Variants in PGBD2 observed in about 807,000 individuals in gnomAD.
PGBD2 encodes the protein piggyBac transposable element-derived protein 2.
PGBD2 carries 6 observed loss-of-function variants against 8.1 expected under a neutral mutation model. The ratio of observed to expected loss-of-function variants is 0.74; its 90% confidence interval spans 0.40 to 1.46. PGBD2 has a LOEUF of 1.46. Among genes scored for constraint, PGBD2 ranks in the 40% most tolerant of loss-of-function variants. The pLI is 0.02. For synonymous variants in PGBD2, 318 were observed against 272.2 expected, an observed-to-expected ratio of 1.17 and a Z score of -1.66; for missense variants, 802 against 739.0, an observed-to-expected ratio of 1.09 and a Z score of -0.99.
At chr1:248,899,145 A>G in the PGBD2 span, among the ~76,000 whole-genome samples, 1 of 152,228 alleles carries the variant, frequency 6.6e-6, no homozygotes, top group Non-Finnish European at 1.5e-5. Context: ...ACTCCCCTAC[A>G]ATAACAGTGG....
chr1:248,904,002 T>G (rs1661577794), upstream of PGBD2, among the ~76,000 whole-genome samples: 1 of 152,170 alleles, frequency 6.6e-6, no homozygotes, highest in Admixed American at 6.5e-5. Context: ...CATGTACAGG[T>G]GAAATAAACT....
chr1:248,891,312 A>G, the PGBD2 span, among the ~76,000 whole-genome samples: 3 of 152,300 alleles, frequency 2.0e-5, no homozygotes, highest in African/African-American at 7.2e-5. Context: ...ATTTGAGGCC[A>G]GACAACAGAG....
the PGBD2 span, among the ~76,000 whole-genome samples, chr1:248,895,362 A>C: frequency 8.5e-5 from 13 of 152,242 alleles, no homozygotes; most frequent in African/African-American, 2.9e-4. Context: ...CCTGGCACAC[A>C]AAGAGGAGGA....
Position 248,917,653 on chromosome 1 carries a change from G to C in PGBD2, c.1069G>C (p.Val357Leu). The part of the protein sequence containing the change: ...HIFFDKVFTS[V>L]KLMSILRKKG... ...ATTTTTTGACAAGGTTTTCACAAGT[G>C]TTAAACTGATGTCCATTTTGAGGAA... The change falls in exon 3 of 3, where the codon GTT (valine) becomes CTT (leucine). Residue 357 changes from valine (V) to leucine (L), a missense_variant. Physicochemically the swap from Val to Leu is conservative, Grantham distance 32. Coordinates refer to ENST00000329291, the MANE Select transcript of PGBD2 (RefSeq NM_170725.3). The C allele has an allele frequency of 6.2e-7, 1 of 1,614,190 alleles. No homozygotes were observed. The highest frequency in any genetic ancestry group is 8.5e-7 in the Non-Finnish European group (1 of 1,180,028).
downstream of PGBD2, among the ~76,000 whole-genome samples, chr1:248,923,935 C>A (rs1185383040): frequency 6.6e-6 from 1 of 152,184 alleles, no homozygotes; most frequent in Non-Finnish European, 1.5e-5. Context: ...AAAATGTTTT[C>A]TTCTAAGGTG....
At chr1:248,924,485 C>A (rs182472425), downstream of PGBD2, among the ~76,000 whole-genome samples, 3 of 152,158 alleles carry the variant, frequency 2.0e-5, no homozygotes, top group African/African-American at 7.2e-5. Context: ...CTTTTAGAGG[C>A]ACAGACTTCT....
the PGBD2 span, among the ~76,000 whole-genome samples, chr1:248,885,996 T>C: frequency 6.6e-6 from 1 of 152,182 alleles, no homozygotes; most frequent in South Asian, 2.1e-4. Context: ...CCTCAGTAAT[T>C]TGTCTTAAGG....
At chr1:248,914,192 T>G (rs1662011317) in intron 2 of PGBD2, among the ~76,000 whole-genome samples, 1 of 152,210 alleles carries the variant, frequency 6.6e-6, no homozygotes, top group African/African-American at 2.4e-5. Flanking sequence ...CCCGCAGGGT[T>G]TCTCATGCCT....
At chr1:248,896,607 T>C in the PGBD2 span, among the ~76,000 whole-genome samples, 15 of 152,222 alleles carry the variant, frequency 9.9e-5, 1 homozygote, top group South Asian at 1.9e-3. Flanking sequence ...TGCTTCTAAT[T>C]GGCCATCTTG....
the PGBD2 span, among the ~76,000 whole-genome samples, chr1:248,888,800 T>C: frequency 1.3e-5 from 2 of 152,212 alleles, no homozygotes; most frequent in Non-Finnish European, 2.9e-5. Context: ...CACCTAGTCA[T>C]AAATTATTTG....
the PGBD2 span, among the ~76,000 whole-genome samples, chr1:248,875,308 C>CAAAAAAAAAAAAAAAAAAG: frequency 9.1e-6 from 1 of 110,252 alleles, no homozygotes; most frequent in African/African-American, 3.3e-5. Context: ...AAAAACAAAA[C>CAAAAAAAAAAAAAAAAAAG]AAAAAAAAAA....
At chr1:248,914,917 A>G (rs1662039803) in intron 2 of PGBD2, among the ~76,000 whole-genome samples, 1 of 152,070 alleles carries the variant, frequency 6.6e-6, no homozygotes, top group Non-Finnish European at 1.5e-5. Flanking sequence ...CGTTCTGCAG[A>G]TGTTGAATCC....
chr1:248,889,088 A>T, the PGBD2 span, among the ~76,000 whole-genome samples: 1 of 152,154 alleles, frequency 6.6e-6, no homozygotes, highest in African/African-American at 2.4e-5. Flanking sequence ...TGATAAAAAT[A>T]AAAAATGAAA....
rs752437107 is a variant in PGBD2, at chr1:248,911,847, AC to A, written c.-47-1968del. ...GGTGCTCTACTTCCTCTGTCCACTA[AC>A]TGCCACTGTTCTGGGTGCAGCAGGG... On this transcript the variant is annotated intron_variant, in intron 1 of 2. Coordinates refer to ENST00000329291, the MANE Select transcript of PGBD2 (RefSeq NM_170725.3). 7.9e-4 allele frequency among the ~76,000 whole-genome samples: 119 copies of A among 151,510 alleles called. 2 individuals are homozygous for A. The highest frequency in any genetic ancestry group is 1.0e-3 in the Admixed American group (16 of 15,250).
upstream of PGBD2, chr1:248,906,164 G>C (rs1355526672): frequency 6.6e-6 from 1 of 151,940 alleles, no homozygotes; most frequent in Non-Finnish European, 1.5e-5. Flanking sequence ...TGGTCGCTCG[G>C]GCCGGGGCGT....
downstream of PGBD2, among the ~76,000 whole-genome samples, chr1:248,924,866 T>A (rs1009243230): frequency 5.9e-5 from 9 of 152,152 alleles, no homozygotes; most frequent in African/African-American, 2.2e-4. Context: ...TTCTTACCAC[T>A]CAGCAAGTGC....
Position 248,916,573 on chromosome 1 carries a change from C to G in PGBD2, c.18-29C>G, listed in dbSNP as rs1662104194. 5 of 1,600,602 alleles carry G rather than the reference C, an allele frequency of 3.1e-6. No homozygotes were observed. The South Asian group carries it at 4.4e-5, about 14-fold the overall frequency. The stretch of plus-strand genomic sequence containing the variant: ...AAGCATTGGCTTTCTGGCATGGCCT[C>G]TTCCTGATTCTGTTTCCTGTCATAA... On this transcript the variant is annotated intron_variant, in intron 2 of 2. Transcript: ENST00000329291.
the PGBD2 span, among the ~76,000 whole-genome samples, chr1:248,894,368 A>G: frequency 6.6e-6 from 1 of 151,648 alleles, no homozygotes; most frequent in Admixed American, 6.6e-5. Flanking sequence ...CTTTACTTCT[A>G]TGTTTTCTTC....
intron 1 of PGBD2, among the ~76,000 whole-genome samples, chr1:248,910,033 G>A (rs1661809083): frequency 6.6e-6 from 1 of 152,216 alleles, no homozygotes; most frequent in Non-Finnish European, 1.5e-5. Context: ...CCAGCCTAAG[G>A]CACAGTGGAG....
Sources: gnomAD v4.1 joint callset for allele counts (sites outside exome capture counted in the v4.1 genomes callset) on GRCh38, gnomAD v4.1.1 for gene constraint, MANE v1.5 for transcripts, NCBI Gene and HGNC (gene_info 2026-07-23, HGNC 2026-07-21) for gene names.